COL14A1: variants seen among roughly 807,000 people sequenced by gnomAD.
COL14A1 encodes collagen alpha-1(XIV) chain.
COL14A1 carries 136 observed loss-of-function variants against 230.3 expected under a neutral mutation model. The observed-to-expected ratio is 0.59, with a 90% confidence interval of 0.51 to 0.68. The LOEUF is 0.68. Among genes scored for constraint, COL14A1 ranks in the 30% least tolerant of loss-of-function variants. The pLI, the probability that COL14A1 is intolerant of heterozygous loss-of-function variation, is 0.00. For missense variants in COL14A1, 1,976 were observed against 2,215.8 expected (o/e 0.89, Z 2.17); for synonymous variants, 792 against 784.1 (o/e 1.01, Z -0.17).
rs553371934 is a variant in COL14A1 at position 120,147,485 on chromosome 8, T to C, written c.-37-321T>C. Among the ~76,000 whole-genome samples, 4 of 152,334 alleles carry C rather than the reference T, an allele frequency of 2.6e-5. No homozygotes were observed. In the South Asian group the frequency reaches 8.3e-4, roughly 32 times the overall value. ...TTACTGGCAAGGACATTGGGATTGA[T>C]GATAATGCTAATTTCAGGTAAAATT... On this transcript the variant is annotated intron_variant, in intron 1 of 47. Coordinates refer to ENST00000297848, the MANE Select transcript of COL14A1 (RefSeq NM_021110.4).
chr8:120,358,314 T>G (rs1169281292), intron 45 of COL14A1, among the ~76,000 whole-genome samples: 1 of 152,224 alleles, frequency 6.6e-6, no homozygotes, highest in East Asian at 1.9e-4. Flanking sequence ...TCATCCTTTC[T>G]TACAATGAGG....
intron 24 of COL14A1, among the ~76,000 whole-genome samples, chr8:120,266,101 A>G (rs1389440251): frequency 1.3e-5 from 2 of 152,068 alleles, no homozygotes; most frequent in Admixed American, 6.6e-5. Context: ...AGAAATGAAT[A>G]CGTAATAACA....
At chr8:120,280,870 A>C in intron 30 of COL14A1, 51 bp from the exon 31 acceptor site, 1 of 1,477,312 alleles carries the variant, frequency 6.8e-7, no homozygotes, top group Non-Finnish European at 9.1e-7. Context: ...AAAATTCTAA[A>C]GTGCCATATT....
intron 19 of COL14A1, among the ~76,000 whole-genome samples, chr8:120,233,880 T>TAACATTG (rs1259161533): frequency 6.6e-6 from 1 of 152,224 alleles, no homozygotes; most frequent in Non-Finnish European, 1.5e-5. Flanking sequence ...TTGATGGGAA[T>TAACATTG]AACATTGAAT....
chr8:120,127,432 G>A (rs1814379195), intron 1 of COL14A1, among the ~76,000 whole-genome samples: 1 of 152,222 alleles, frequency 6.6e-6, no homozygotes, highest in African/African-American at 2.4e-5. Context: ...GATTCCTGGA[G>A]CAGTTTTGGA....
rs762824301 is a variant in COL14A1, at chr8:120,225,174, T to C, written c.1824T>C (p.Asp608=). Residue 608 remains aspartate (D), a synonymous_variant, in exon 15 of 48, where the codon GAT becomes GAC. Coordinates refer to ENST00000297848, the MANE Select transcript of COL14A1 (RefSeq NM_021110.4). The stretch of plus-strand genomic sequence containing the variant: ...CTATTGCTATTTTCTCCATCTATGA[T>C]GAAGGACAGTCAGAGCCTCTGACTG... The part of the protein sequence containing the change: ...EYTIAIFSIY[D]EGQSEPLTGV... 14 of 1,613,258 alleles carry C rather than the reference T, an allele frequency of 8.7e-6. No individual in the cohort carries two copies. The highest frequency in any genetic ancestry group is 2.2e-5 in the East Asian group (1 of 44,838).
At chr8:120,331,107 C>CAA (rs35915187) in intron 40 of COL14A1, among the ~76,000 whole-genome samples, 2,037 of 60,134 alleles carry the variant, frequency 0.034, 46 homozygotes, top group African/African-American at 0.069. Flanking sequence ...CTCTGTCTCA[C>CAA]AAAAAAAAAA....
rs566567573 is a variant in COL14A1, at chr8:120,358,313, C to T, written c.5078-8858C>T. On this transcript the variant is annotated intron_variant, in intron 45 of 47. Transcript: ENST00000297848. Reference sequence around the variant, plus strand: ...ATTGATTTCTCTCTGTTCATCCTTTCTTACAATGAGGCTACATTGTCCCCC... The same window carrying T: ...ATTGATTTCTCTCTGTTCATCCTTTTTTACAATGAGGCTACATTGTCCCCC... Among the ~76,000 whole-genome samples the T allele has an allele frequency of 2.6e-5, 4 of 152,242 alleles. No individual in the cohort carries two copies. The East Asian group carries it at 7.7e-4, about 29-fold the overall frequency.
chr8:120,367,051 C>A, intron 45 of COL14A1, 120 bp from the exon 46 acceptor site: 1 of 689,166 alleles, frequency 1.5e-6, no homozygotes, highest in Non-Finnish European at 2.4e-6. Flanking sequence ...ACTCATAACC[C>A]CAAACGAACC....
Position 120,197,866 on chromosome 8 carries a change from C to T in COL14A1, c.648C>T (p.Ser216=), listed in dbSNP as rs1488046769. Residue 216 remains serine, a synonymous_variant, in exon 7 of 48, where the codon AGC becomes AGT. Coordinates refer to ENST00000297848, the MANE Select transcript of COL14A1 (RefSeq NM_021110.4). ...PRIEWHLNAF[S]TKDEVIEAVR... The stretch of plus-strand genomic sequence containing the variant: ...TAGAATGGCACTTGAATGCATTTAG[C>T]ACAAAAGATGAAGTGATTGAAGCTG... 2 of 1,613,492 alleles carry T rather than the reference C, an allele frequency of 1.2e-6. No homozygotes were observed. Among genetic ancestry groups the T allele is most frequent in the Non-Finnish European group, 1.7e-6 (2 of 1,179,540 alleles).
chr8:120,126,146 C>G lies in COL14A1; in HGVS notation c.-38+806C>G, dbSNP rs537598487. On this transcript the variant is annotated intron_variant, in intron 1 of 47. Coordinates refer to ENST00000297848, the MANE Select transcript of COL14A1 (RefSeq NM_021110.4). ...TGACACCCCCCGCACCCCGCGCCCC[C>G]TCAGGCCTCCTATTACACAGCGCCT... 7.2e-5 allele frequency among the ~76,000 whole-genome samples: 11 copies of G among 152,374 alleles called. No individual in the cohort carries two copies. The East Asian group carries it at 1.9e-3, about 27-fold the overall frequency.
At chr8:120,306,761 A>G (rs1820869599) in intron 36 of COL14A1, among the ~76,000 whole-genome samples, 1 of 152,236 alleles carries the variant, frequency 6.6e-6, no homozygotes. Context: ...GCTTTTAGAC[A>G]TGGTGCCTCT....
At chr8:120,232,289 C>T (rs1818298140) in intron 19 of COL14A1, among the ~76,000 whole-genome samples, 1 of 151,622 alleles carries the variant, frequency 6.6e-6, no homozygotes, top group African/African-American at 2.4e-5. Flanking sequence ...TTTTAATATA[C>T]TTAAGTTCTG....
chr8:120,281,483 T>G lies in COL14A1; in HGVS notation c.3824+424T>G, dbSNP rs544839038. Among the ~76,000 whole-genome samples the G allele has an allele frequency of 2.0e-5, 3 of 151,316 alleles. No homozygotes were observed. The East Asian group carries it at 5.8e-4, about 29-fold the overall frequency. Reference sequence around the variant, plus strand: ...TGGAGACTGAGGTGGGAGGATTGCTTGAGCTCAGGAGGTTGAAGCTGCAGT... The same window carrying G: ...TGGAGACTGAGGTGGGAGGATTGCTGGAGCTCAGGAGGTTGAAGCTGCAGT... On this transcript the variant is annotated intron_variant, in intron 31 of 47. Coordinates refer to ENST00000297848, the MANE Select transcript of COL14A1 (RefSeq NM_021110.4).
At chr8:120,256,751 G>T (rs904022798) in intron 23 of COL14A1, among the ~76,000 whole-genome samples, 8 of 152,280 alleles carry the variant, frequency 5.3e-5, no homozygotes, top group East Asian at 1.9e-4. Flanking sequence ...TTTAAGTCAC[G>T]CTTTAATATG....
chr8:120,354,298 G>A (rs373250755), intron 45 of COL14A1, among the ~76,000 whole-genome samples: 1,570 of 121,480 alleles, frequency 0.013, 45 homozygotes, highest in African/African-American at 0.047. Context: ...GCTAGATGAC[G>A]AGTTAGTGGG....
intron 3 of COL14A1, among the ~76,000 whole-genome samples, chr8:120,158,996 C>T (rs560918248): frequency 5.9e-5 from 9 of 152,208 alleles, no homozygotes; most frequent in Non-Finnish European, 1.2e-4. Flanking sequence ...ATTCAAAACT[C>T]GATTCTGTCA....
chr8:120,133,260 A>G (rs1586704621), intron 1 of COL14A1, among the ~76,000 whole-genome samples: 3 of 152,026 alleles, frequency 2.0e-5, no homozygotes, highest in South Asian at 4.2e-4. Context: ...GTTCCAAAGT[A>G]CAGTATAGAG....
At chr8:120,174,977 C>T (rs901165065) in intron 5 of COL14A1, among the ~76,000 whole-genome samples, 6 of 152,180 alleles carry the variant, frequency 3.9e-5, no homozygotes, top group Non-Finnish European at 8.8e-5. Flanking sequence ...GTGGTACTCT[C>T]GTGATCCACA....
Sources: gnomAD v4.1 joint callset for allele counts (sites outside exome capture counted in the v4.1 genomes callset) on GRCh38, gnomAD v4.1.1 for gene constraint, MANE v1.5 for transcripts, NCBI Gene and HGNC (gene_info 2026-07-23, HGNC 2026-07-21) for gene names.